TENM3: variants seen among roughly 807,000 people sequenced by gnomAD.
TENM3 encodes teneurin transmembrane protein 3, also known as teneurin-3.
TENM3 carries 63 observed loss-of-function variants against 255.1 expected under a neutral mutation model. The ratio of observed to expected loss-of-function variants is 0.25; its 90% CI spans 0.20 to 0.30. The LOEUF is 0.30. Ranked by LOEUF, TENM3 falls within the 10% of genes least tolerant of loss-of-function variation. TENM3 has a pLI of 1.00. For synonymous variants in TENM3, 1,306 were observed against 1,322.3 expected (o/e 0.99, Z 0.27); for missense variants, 2,929 against 3,461.1 (o/e 0.85, Z 3.86).
the TENM3 span, among the ~76,000 whole-genome samples, chr4:181,745,430 A>C: frequency 6.6e-6 from 1 of 152,182 alleles, no homozygotes; most frequent in Non-Finnish European, 1.5e-5. Context: ...GCGTTTTTTA[A>C]AGAACCGTAT....
At chr4:181,894,017 C>T in the TENM3 span, among the ~76,000 whole-genome samples, 2 of 148,022 alleles carry the variant, frequency 1.4e-5, no homozygotes, top group African/African-American at 2.5e-5. Context: ...ATCCTGTCTA[C>T]ATTTTTGAGA....
chr4:181,927,217 C>T, the TENM3 span, among the ~76,000 whole-genome samples: 1 of 152,354 alleles, frequency 6.6e-6, no homozygotes, highest in South Asian at 2.1e-4. Context: ...GGTCTACCAT[C>T]CATGGAACCC....
intron 3 of TENM3, among the ~76,000 whole-genome samples, chr4:182,466,690 G>A (rs972911533): frequency 6.6e-6 from 1 of 151,840 alleles, no homozygotes; most frequent in African/African-American, 2.4e-5. Context: ...CTCTAATCCA[G>A]AATGACCTCA....
At chr4:182,335,303 C>CTTGGCTAA (rs1253129919) in intron 2 of TENM3, among the ~76,000 whole-genome samples, 70 of 50,478 alleles carry the variant, frequency 1.4e-3, no homozygotes, top group South Asian at 1.8e-3. Flanking sequence ...TCGAGACCAT[C>CTTGGCTAA]CTGTGAATGG....
At chr4:182,210,551 T>TAAG (rs1467023833) in intron 1 of TENM3, among the ~76,000 whole-genome samples, 1 of 151,980 alleles carries the variant, frequency 6.6e-6, no homozygotes, top group Non-Finnish European at 1.5e-5. Flanking sequence ...ATCTGATTTC[T>TAAG]AAGACGTCAG....
intron 2 of TENM3, among the ~76,000 whole-genome samples, chr4:182,342,515 T>C (rs895619850): frequency 3.9e-5 from 6 of 152,162 alleles, no homozygotes; most frequent in African/African-American, 1.4e-4. Context: ...ATAAGGTGTC[T>C]TTTTAGGGTG....
the TENM3 span, among the ~76,000 whole-genome samples, chr4:181,698,479 C>T: frequency 3.9e-5 from 6 of 152,200 alleles, no homozygotes; most frequent in South Asian, 1.2e-3. Context: ...AAAAAAATCA[C>T]TCTGGCATGC....
chr4:181,726,152 T>C, the TENM3 span, among the ~76,000 whole-genome samples: 3 of 152,130 alleles, frequency 2.0e-5, no homozygotes, highest in Non-Finnish European at 4.4e-5. Context: ...GCAAATTTTA[T>C]TTAAAAATTA....
intron 22 of TENM3, among the ~76,000 whole-genome samples, chr4:182,755,784 G>A (rs1243257988): frequency 1.3e-5 from 2 of 152,044 alleles, no homozygotes; most frequent in Non-Finnish European, 2.9e-5. Flanking sequence ...AGCTTGCAGT[G>A]AGCCGAGATC....
intron 1 of TENM3, among the ~76,000 whole-genome samples, chr4:182,292,725 C>A (rs1459738868): frequency 6.6e-6 from 1 of 152,144 alleles, no homozygotes; most frequent in Non-Finnish European, 1.5e-5. Flanking sequence ...GCGCTCTCTG[C>A]CCTTAAAGAA....
the TENM3 span, among the ~76,000 whole-genome samples, chr4:181,642,392 C>T: frequency 2.1e-3 from 315 of 152,034 alleles, 3 homozygotes; most frequent in African/African-American, 6.9e-3. Flanking sequence ...GTTGGATAGA[C>T]GGCAAAAATT....
the TENM3 span, among the ~76,000 whole-genome samples, chr4:181,834,659 C>G: frequency 1.3e-5 from 2 of 152,206 alleles, no homozygotes; most frequent in Admixed American, 1.3e-4. Context: ...GAGAGTGATC[C>G]TGTCATGCGT....
chr4:181,533,555 C>A, the TENM3 span, among the ~76,000 whole-genome samples: 1 of 152,080 alleles, frequency 6.6e-6, no homozygotes, highest in Non-Finnish European at 1.5e-5. Context: ...CCCCCAACAC[C>A]CGTTATTGGG....
chr4:182,763,915 A>G (rs760729033), intron 22 of TENM3, among the ~76,000 whole-genome samples: 51 of 152,220 alleles, frequency 3.4e-4, no homozygotes, highest in Non-Finnish European at 6.6e-4. Flanking sequence ...TCCATATCCA[A>G]TGAAAGATTA....
At chr4:181,601,342 G>A in the TENM3 span, among the ~76,000 whole-genome samples, 1 of 152,088 alleles carries the variant, frequency 6.6e-6, no homozygotes, top group Non-Finnish European at 1.5e-5. Flanking sequence ...ACCACTGTCT[G>A]GGTGACTTAA....
chr4:181,789,806 T>C, the TENM3 span, among the ~76,000 whole-genome samples: 11 of 152,214 alleles, frequency 7.2e-5, no homozygotes, highest in African/African-American at 1.9e-4. Flanking sequence ...AGCTTCCAGA[T>C]TGCTGAAAAC....
At chr4:182,232,549 C>A (rs1467197239) in intron 1 of TENM3, among the ~76,000 whole-genome samples, 2 of 152,180 alleles carry the variant, frequency 1.3e-5, no homozygotes, top group East Asian at 3.9e-4. Flanking sequence ...CATGGCGAAA[C>A]CCCATGTCTA....
chr4:182,359,162 A>G (rs926520263), intron 3 of TENM3, among the ~76,000 whole-genome samples: 5 of 152,050 alleles, frequency 3.3e-5, no homozygotes, highest in South Asian at 2.1e-4. Context: ...TTCATCAAGG[A>G]TATTGGTCTA....
At chr4:181,757,227 A>T in the TENM3 span, among the ~76,000 whole-genome samples, 1 of 152,202 alleles carries the variant, frequency 6.6e-6, no homozygotes, top group African/African-American at 2.4e-5. Context: ...CACTAGCAGT[A>T]AATGCCTTCA....
Sources: allele counts gnomAD v4.1 joint callset (sites outside exome capture counted in the v4.1 genomes callset), GRCh38; gene constraint gnomAD v4.1.1; transcripts MANE v1.5; gene names NCBI Gene and HGNC (gene_info 2026-07-23, HGNC 2026-07-21).